Variants in PIEZO2 observed in about 807,000 individuals in gnomAD.
The protein encoded by PIEZO2 is piezo-type mechanosensitive ion channel component 2.
In PIEZO2, 172 loss-of-function variants were observed where a neutral mutation model predicts 337.3. The ratio of observed to expected loss-of-function variants is 0.51; its 90% confidence interval spans 0.45 to 0.58. The LOEUF is 0.58. Among genes scored for constraint, PIEZO2 ranks in the 20% least tolerant of loss-of-function variants. The pLI, the probability that PIEZO2 is intolerant of heterozygous loss-of-function variation, is 0.00. For missense variants in PIEZO2, 3,028 were observed against 3,391.3 expected (o/e 0.89, Z 2.66); for synonymous variants, 1,251 against 1,228.5 (o/e 1.02, Z -0.38).
rs1277303565 is a variant in PIEZO2 at position 10,854,521 on chromosome 18, A to G, written c.917+832T>C. Among the ~76,000 whole-genome samples the G allele has an allele frequency of 6.6e-6, 1 of 152,194 alleles. No individual in the cohort carries two copies. The highest frequency in any genetic ancestry group is 1.9e-4 in the East Asian group (1 of 5,194). On this transcript the variant is annotated intron_variant, in intron 7 of 55. Transcript: ENST00000674853. The surrounding 1 kb of genome is among the most constrained non-coding windows in gnomAD (Gnocchi z 4.6). ...CTGTCATTATCTAACATCATCCTGC[A>G]TGGAGGAATTTTCTCTCATTCACTG...
At position 10,698,933 on chromosome 18, in the gene PIEZO2, GATC is replaced by G; in HGVS notation, c.6683_6685del (p.Arg2228_Ser2229delinsThr). 2 of 1,536,332 alleles carry G rather than the reference GATC, an allele frequency of 1.3e-6. No individual in the cohort carries two copies. Among genetic ancestry groups the G allele is most frequent in the Non-Finnish European group, 1.7e-6 (2 of 1,146,912 alleles). ...ATTGTGTCGACAGATACCTCTTTGGGATCTGTTTGAAGAAAAGCTGGATCTCTG... is the reference window on the plus strand; with the variant it reads ...ATTGTGTCGACAGATACCTCTTTGGGTGTTTGAAGAAAAGCTGGATCTCTG... On this transcript the variant is annotated inframe_deletion, in exon 44 of 56. Coordinates refer to ENST00000674853, the MANE Select transcript of PIEZO2 (RefSeq NM_001378183.1).
intron 39 of PIEZO2, among the ~76,000 whole-genome samples, 158 bp downstream of exon 39, chr18:10,714,606 C>G (rs1398035318): frequency 6.6e-6 from 1 of 152,080 alleles, no homozygotes; most frequent in Non-Finnish European, 1.5e-5. Context: ...GACAATGTTC[C>G]TTATAGTTTG....
intron 3 of PIEZO2, among the ~76,000 whole-genome samples, chr18:10,922,415 GAGAC>G (rs1241783332): frequency 6.6e-6 from 1 of 152,144 alleles, no homozygotes; most frequent in Non-Finnish European, 1.5e-5. Context: ...GGTGGGAGGT[GAGAC>G]AGACAAAGAG....
chr18:10,852,684 A>T (rs2041589375), intron 7 of PIEZO2, among the ~76,000 whole-genome samples: 1 of 152,128 alleles, frequency 6.6e-6, no homozygotes, highest in African/African-American at 2.4e-5. Context: ...TGTTCTTTTA[A>T]ATTGCAGGTT....
rs760819690 is a variant in PIEZO2 at position 10,726,987 on chromosome 18, A to G, written c.5029+4420T>C. ...GAGGCCCTGGACAGAAGCTCCAGATAGGCCCCCAGAACATGAAGCTGTTTG... is the reference window on the plus strand; with the variant it reads ...GAGGCCCTGGACAGAAGCTCCAGATGGGCCCCCAGAACATGAAGCTGTTTG... On this transcript the variant is annotated intron_variant, in intron 36 of 55. Coordinates refer to ENST00000674853, the MANE Select transcript of PIEZO2 (RefSeq NM_001378183.1). The surrounding 1 kb of genome is among the most constrained non-coding windows in gnomAD (Gnocchi z 5.9). The G allele has an allele frequency of 1.8e-6, 2 of 1,115,880 alleles. No homozygotes were observed. Among genetic ancestry groups the G allele is most frequent in the Non-Finnish European group, 2.5e-6 (2 of 786,012 alleles). 69.1% of individuals were successfully genotyped at this position (1,115,880 alleles called of 1,614,324 possible).
Position 10,978,406 on chromosome 18 carries a change from G to A in PIEZO2, c.286+1129C>T, listed in dbSNP as rs563885423. On this transcript the variant is annotated intron_variant, in intron 3 of 55. Transcript: ENST00000674853. ...ATATTTTAAATGGGTGAATTTTATG[G>A]TGTGTGAATTATATTTCAATTTTTA... 2.4e-4 allele frequency among the ~76,000 whole-genome samples: 36 copies of A among 151,950 alleles called. No individual in the cohort carries two copies. The East Asian group carries it at 3.7e-3, about 16-fold the overall frequency.
chr18:11,098,920 C>G (rs932482850), intron 1 of PIEZO2, among the ~76,000 whole-genome samples: 6 of 151,942 alleles, frequency 3.9e-5, no homozygotes, highest in Non-Finnish European at 5.9e-5. Flanking sequence ...ACCTCAACCT[C>G]TCACGTAGCT....
In PIEZO2 at chr18:10,914,664, C is replaced by T. The variant is rs145455066; in HGVS notation, c.287-3436G>A. On this transcript the variant is annotated intron_variant, in intron 3 of 55. Coordinates refer to ENST00000674853, the MANE Select transcript of PIEZO2 (RefSeq NM_001378183.1). Reference sequence around the variant, plus strand: ...TGCAGAACCCATGGATACGGAGGGCCAACTGTAATTCATAGAAGGGATTTT... The same window carrying T: ...TGCAGAACCCATGGATACGGAGGGCTAACTGTAATTCATAGAAGGGATTTT... 9.8e-3 allele frequency among the ~76,000 whole-genome samples: 1,497 copies of T among 152,034 alleles called. 26 individuals are homozygous for T. Among genetic ancestry groups the T allele is most frequent in the African/African-American group, 0.034 (1,403 of 41,480 alleles).
rs561758653 is a variant in PIEZO2, at chr18:10,886,343, T to TATAC, written c.330-14929_330-14928insGTAT. On this transcript the variant is annotated intron_variant, in intron 4 of 55. Coordinates refer to ENST00000674853, the MANE Select transcript of PIEZO2 (RefSeq NM_001378183.1). Reference sequence around the variant, plus strand: ...ACATACATATATATATATATATATATACACACACACACACACACATATATA... The same window carrying TATAC: ...ACATACATATATATATATATATATATATACACACACACACACACACACATATATA... Among the ~76,000 whole-genome samples the TATAC allele has an allele frequency of 1.4e-3, 34 of 23,704 alleles. 8 individuals are homozygous for TATAC. The highest frequency in any genetic ancestry group is 5.6e-3 in the East Asian group (2 of 360). The allele number at this position is 23,704 out of a possible 152,430, so 15.6% of individuals were successfully genotyped here. A position where few individuals can be genotyped will look rare whatever the true frequency, so the allele number is the denominator to read the frequency against.
intron 17 of PIEZO2, among the ~76,000 whole-genome samples, chr18:10,782,460 A>G (rs1460212136): frequency 6.8e-5 from 2 of 29,368 alleles, no homozygotes; most frequent in African/African-American, 2.1e-4. Context: ...TAGTATATAT[A>G]TTATATTAAA....
At chr18:11,041,774 A>C (rs2037132281) in intron 2 of PIEZO2, among the ~76,000 whole-genome samples, 1 of 152,252 alleles carries the variant, frequency 6.6e-6, no homozygotes, top group African/African-American at 2.4e-5. Context: ...AATTGAGTAA[A>C]ACCCAACAAG....
At chr18:10,758,318 C>T (rs1005113333) in intron 26 of PIEZO2, among the ~76,000 whole-genome samples, 184 bp from the exon 27 acceptor site, 1 of 151,496 alleles carries the variant, frequency 6.6e-6, no homozygotes, top group South Asian at 2.1e-4. Context: ...CTCCACCTTG[C>T]AGGGCATAGA....
intron 4 of PIEZO2, among the ~76,000 whole-genome samples, chr18:10,896,936 GAA>G (rs367637731): frequency 6.6e-6 from 1 of 152,094 alleles, no homozygotes; most frequent in Non-Finnish European, 1.5e-5. Context: ...AATCTCTGCT[GAA>G]AAAAAGTCTC....
intron 31 of PIEZO2, 23 bp from the exon 32 acceptor site, chr18:10,742,638 T>C: frequency 6.5e-7 from 1 of 1,536,480 alleles, no homozygotes; most frequent in South Asian, 1.2e-5. Context: ...ATAACATTAG[T>C]AATGCCAAGA....
At chr18:10,698,675 C>T (rs1395271362) in intron 44 of PIEZO2, among the ~76,000 whole-genome samples, 1 of 152,126 alleles carries the variant, frequency 6.6e-6, no homozygotes, top group African/African-American at 2.4e-5. Context: ...GGCAGTGTGC[C>T]GGCCATTTTT....
intron 7 of PIEZO2, among the ~76,000 whole-genome samples, chr18:10,809,347 T>G (rs1478722390): frequency 7.5e-6 from 1 of 134,132 alleles, no homozygotes; most frequent in African/African-American, 2.8e-5. Context: ...CTCGGCTCAC[T>G]GCAACCTCCG....
chr18:10,803,766 AG>A (rs2039903687), intron 9 of PIEZO2, 108 bp downstream of exon 9: 2 of 1,356,478 alleles, frequency 1.5e-6, no homozygotes, highest in Admixed American at 5.7e-5. Context: ...ATAAACTACA[AG>A]CAACCTGAAT....
intron 2 of PIEZO2, among the ~76,000 whole-genome samples, chr18:11,050,709 T>C (rs953223851): frequency 2.6e-5 from 4 of 151,866 alleles, no homozygotes; most frequent in Non-Finnish European, 5.9e-5. Context: ...TTGGTTACAA[T>C]TGTCACCAAA....
intron 41 of PIEZO2, among the ~76,000 whole-genome samples, 193 bp downstream of exon 41, chr18:10,705,143 T>C (rs1174730323): frequency 6.6e-6 from 1 of 152,226 alleles, no homozygotes. Context: ...GTTTTGCTGG[T>C]TCTAGAACCA....
Sources: allele counts gnomAD v4.1 joint callset (sites outside exome capture counted in the v4.1 genomes callset), GRCh38; gene constraint gnomAD v4.1.1; non-coding constraint Gnocchi (gnomAD v3.1); transcripts MANE v1.5; gene names NCBI Gene and HGNC (gene_info 2026-07-23, HGNC 2026-07-21).